WT1: variants seen among roughly 807,000 people sequenced by gnomAD.
The protein encoded by WT1 is Wilms tumor protein.
Under a neutral mutation model 60.8 loss-of-function variants are expected in WT1, and 8 were observed. The observed-to-expected ratio is 0.13, with a 90% CI of 0.08 to 0.24. The LOEUF is 0.24. Among genes scored for constraint, WT1 ranks in the 10% least tolerant of loss-of-function variants. The pLI is 1.00. For synonymous variants in WT1, 312 were observed against 297.1 expected, an observed-to-expected ratio of 1.05 and a Z score of -0.52; for missense variants, 568 against 711.8, an observed-to-expected ratio of 0.80 and a Z score of 2.30.
intron 3 of WT1, among the ~76,000 whole-genome samples, chr11:32,425,204 G>A (rs1188718633): frequency 6.6e-6 from 1 of 151,310 alleles, no homozygotes; most frequent in African/African-American, 2.4e-5. Flanking sequence ...AAAAAAGACT[G>A]GGGAAGAAAA....
chr11:32,426,969 T>C (rs896170798), intron 3 of WT1, among the ~76,000 whole-genome samples: 2 of 152,086 alleles, frequency 1.3e-5, no homozygotes, highest in Non-Finnish European at 2.9e-5. Flanking sequence ...CCTTCCTTCA[T>C]GACCTCACTA....
intron 5 of WT1, among the ~76,000 whole-genome samples, chr11:32,405,113 G>A (rs1309442326): frequency 6.6e-6 from 1 of 151,978 alleles, no homozygotes; most frequent in Non-Finnish European, 1.5e-5. Flanking sequence ...TTCCTATAGG[G>A]GCCAAGTAAG....
In WT1 at chr11:32,396,236, C is replaced by A. The variant is rs751396985; in HGVS notation, c.1264+21G>T. ...GCTCTTGAACCATGTTTGCCCAAGA[C>A]TGGACAGCGGGCACACTTACCAGTG... On this transcript the variant is annotated intron_variant, in intron 7 of 9. Coordinates refer to ENST00000452863, the MANE Select transcript of WT1 (RefSeq NM_024426.6). The A allele has an allele frequency of 2.5e-6, 4 of 1,614,146 alleles. No homozygotes were observed. The Admixed American group carries it at 6.7e-5, about 27-fold the overall frequency.
At chr11:32,408,771 G>A (rs1419571514) in intron 5 of WT1, among the ~76,000 whole-genome samples, 1 of 152,126 alleles carries the variant, frequency 6.6e-6, no homozygotes, top group African/African-American at 2.4e-5. Flanking sequence ...AAAGGGAGGA[G>A]GGGGCTGTTA....
chr11:32,388,706 T>C lies in WT1; in HGVS notation c.*352A>G, dbSNP rs1275368080. 2.6e-6 allele frequency: 1 copy of C among 390,496 alleles called. No individual in the cohort carries two copies. Among genetic ancestry groups the C allele is most frequent in the Non-Finnish European group, 4.7e-6 (1 of 211,722 alleles). The allele number at this position is 390,496 out of a possible 1,614,324, so 24.2% of individuals were successfully genotyped here. On this transcript the variant is annotated 3_prime_UTR_variant, in exon 10 of 10. Coordinates refer to ENST00000452863, the MANE Select transcript of WT1 (RefSeq NM_024426.6). ...GATAGAAAATGGTACAATAATTCCA[T>C]CCCCAGCGAAAACGAGCATAAAAAA...
At chr11:32,414,311 C>A (rs918068745) in intron 5 of WT1, among the ~76,000 whole-genome samples, 15 of 152,170 alleles carry the variant, frequency 9.9e-5, no homozygotes. Context: ...CTCACTCTAT[C>A]GCCCAGGCTG....
At chr11:32,396,020 T>G (rs1851959012) in intron 7 of WT1, among the ~76,000 whole-genome samples, 1 of 152,200 alleles carries the variant, frequency 6.6e-6, no homozygotes, top group Non-Finnish European at 1.5e-5. Context: ...CTGTGGCACT[T>G]TCTCTCTACC....
intron 1 of WT1, among the ~76,000 whole-genome samples, chr11:32,430,995 T>A (rs1287577862): frequency 6.6e-6 from 1 of 151,986 alleles, no homozygotes; most frequent in African/African-American, 2.4e-5. Flanking sequence ...GTACAGGCCT[T>A]GGAGGGAGAG....
intron 4 of WT1, among the ~76,000 whole-genome samples, chr11:32,417,172 C>G (rs1852701344): frequency 6.6e-6 from 1 of 152,094 alleles, no homozygotes. Context: ...TGTGAATTGC[C>G]CAGATCAGCA....
At chr11:32,400,156 T>C (rs1852109911) in intron 5 of WT1, 112 bp from the exon 6 acceptor site, 1 of 1,389,128 alleles carries the variant, frequency 7.2e-7, no homozygotes, top group Non-Finnish European at 1.0e-6. Context: ...AGAACAAAAA[T>C]AGTTGGTTTT....
intron 4 of WT1, among the ~76,000 whole-genome samples, 158 bp from the exon 5 acceptor site, chr11:32,416,698 A>G (rs1055584469): frequency 2.6e-5 from 4 of 152,110 alleles, no homozygotes; most frequent in African/African-American, 9.7e-5. Context: ...ACTGGGGCCA[A>G]TGGTGGGGTG....
At chr11:32,401,297 C>A (rs1459616579) in intron 5 of WT1, among the ~76,000 whole-genome samples, 1 of 152,110 alleles carries the variant, frequency 6.6e-6, no homozygotes, top group Non-Finnish European at 1.5e-5. Context: ...CCAGAATAAG[C>A]AAATCTGTAG....
At chr11:32,392,777 AT>A in intron 7 of WT1, 22 bp from the exon 8 acceptor site, 4 of 1,610,164 alleles carry the variant, frequency 2.5e-6, no homozygotes, top group Non-Finnish European at 3.4e-6. Flanking sequence ...CACATATTCT[AT>A]TTGAAAATGA....
At position 32,399,848 on chromosome 11, in the gene WT1, C is replaced by T. The variant is rs968304617; in HGVS notation, c.1113+100G>A. Reference sequence around the variant, plus strand: ...AAAGGAGCCTGCAGTGAAGAAGAGGCTGCCAGGGCCAAAGAGTCCATCAGT... The same window carrying T: ...AAAGGAGCCTGCAGTGAAGAAGAGGTTGCCAGGGCCAAAGAGTCCATCAGT... On this transcript the variant is annotated intron_variant, in intron 6 of 9. Coordinates refer to ENST00000452863, the MANE Select transcript of WT1 (RefSeq NM_024426.6). 7.7e-6 allele frequency: 10 copies of T among 1,297,296 alleles called. No homozygotes were observed. In the Admixed American group the frequency reaches 9.7e-5, roughly 13 times the overall value. 80.4% of individuals were successfully genotyped at this position (1,297,296 alleles called of 1,614,324 possible). A position where few individuals can be genotyped will look rare whatever the true frequency, so the allele number is the denominator to read the frequency against.
Position 32,431,603 on chromosome 11 carries a change from ATT to A in WT1, c.662-2986_662-2985del, listed in dbSNP as rs111367482. On this transcript the variant is annotated intron_variant, in intron 1 of 9. Coordinates refer to ENST00000452863, the MANE Select transcript of WT1 (RefSeq NM_024426.6). ...AGGCGCCCGTCACCAAGCCCGGCCAATTTTTTTTTTTGTATTTTCAGTAGAGA... is the reference window on the plus strand; with the variant it reads ...AGGCGCCCGTCACCAAGCCCGGCCAATTTTTTTTTGTATTTTCAGTAGAGA... Among the ~76,000 whole-genome samples, 6 of 148,344 alleles carry A rather than the reference ATT, an allele frequency of 4.0e-5. No individual in the cohort carries two copies. In the South Asian group the frequency reaches 6.5e-4, roughly 16 times the overall value.
rs761622301 is a variant in WT1, at chr11:32,430,486, G to GAGAGAGAGAC, written c.662-1868_662-1867insGTCTCTCTCT. On this transcript the variant is annotated intron_variant, in intron 1 of 9. Coordinates refer to ENST00000452863, the MANE Select transcript of WT1 (RefSeq NM_024426.6). Reference sequence around the variant, plus strand: ...AGAGAGAGAGAGAGAGAGAGAGAGAGAGAGACGAAATAGAAGCTACGAAGA... The same window carrying GAGAGAGAGAC: ...AGAGAGAGAGAGAGAGAGAGAGAGAGAGAGAGAGACAGAGACGAAATAGAAGCTACGAAGA... 11 of 1,573,668 alleles carry GAGAGAGAGAC rather than the reference G, an allele frequency of 7.0e-6. No homozygotes were observed. In the African/African-American group the frequency reaches 1.4e-4, roughly 20 times the overall value.
intron 2 of WT1, 90 bp downstream of exon 2, chr11:32,428,407 C>T (rs886097615): frequency 1.3e-6 from 2 of 1,598,130 alleles, no homozygotes; most frequent in Non-Finnish European, 1.7e-6. Flanking sequence ...TCCTCCTTTG[C>T]CTAATTTGCT....
chr11:32,400,210 G>T, intron 5 of WT1, 166 bp from the exon 6 acceptor site: 1 of 802,240 alleles, frequency 1.2e-6, no homozygotes, highest in Non-Finnish European at 2.1e-6. Context: ...GTTCTGCGGA[G>T]GGCGAGGCCC....
intron 7 of WT1, among the ~76,000 whole-genome samples, chr11:32,393,409 CT>C (rs1035290977): frequency 6.6e-5 from 10 of 152,222 alleles, no homozygotes; most frequent in African/African-American, 2.4e-4. Context: ...AGCCTCACCC[CT>C]GTCCTCACTA....
Sources: allele counts gnomAD v4.1 joint callset (sites outside exome capture counted in the v4.1 genomes callset), GRCh38; gene constraint gnomAD v4.1.1; transcripts MANE v1.5; gene names NCBI Gene and HGNC (gene_info 2026-07-23, HGNC 2026-07-21).